Variants in PRKDC observed in about 807,000 individuals in gnomAD.
PRKDC encodes protein kinase, DNA-activated, catalytic subunit, also known as DNA-dependent protein kinase catalytic subunit.
In PRKDC, 82 loss-of-function variants were observed where a neutral mutation model predicts 486.9. The observed-to-expected ratio is 0.17, with a 90% CI of 0.14 to 0.20. The LOEUF is 0.20. Ranked by LOEUF, PRKDC falls within the 10% of genes least tolerant of loss-of-function variation. The probability of loss-of-function intolerance (pLI) is 1.00; values close to 1 mark genes in which losing one functional copy is unlikely to be tolerated. For missense variants in PRKDC, 4,504 were observed against 5,038.2 expected, an observed-to-expected ratio of 0.89 and a Z score of 3.21; for synonymous variants, 1,895 against 1,837.0, an observed-to-expected ratio of 1.03 and a Z score of -0.81.
At chr8:47,856,337 C>T (rs2088539628) in intron 49 of PRKDC, among the ~76,000 whole-genome samples, 2 of 152,078 alleles carry the variant, frequency 1.3e-5, no homozygotes, top group Admixed American at 6.5e-5. Context: ...AAGCAATTCT[C>T]CTGCCTCAGC....
At chr8:47,886,476 C>T (rs2089334854) in intron 35 of PRKDC, among the ~76,000 whole-genome samples, 1 of 150,112 alleles carries the variant, frequency 6.7e-6, no homozygotes, top group Non-Finnish European at 1.5e-5. Context: ...TGCAAACCTC[C>T]ACCTCCTAGG....
chr8:47,839,494 C>T (rs887905738), intron 55 of PRKDC, among the ~76,000 whole-genome samples: 1 of 152,272 alleles, frequency 6.6e-6, no homozygotes, highest in South Asian at 2.1e-4. Context: ...TCCTGTGACG[C>T]TCAGCTGTGG....
At chr8:47,856,992 A>C (rs2088556021) in intron 49 of PRKDC, among the ~76,000 whole-genome samples, 164 bp downstream of exon 49, 1 of 152,250 alleles carries the variant, frequency 6.6e-6, no homozygotes, top group African/African-American at 2.4e-5. Flanking sequence ...AAACAAAACC[A>C]AAGCAGGCTG....
rs186888725 is a variant in PRKDC at position 47,954,640 on chromosome 8, C to T, written c.400-194G>A. ...TCTCACAGGATTCACATCCACCCAG[C>T]TTATCTGGGAATTAGAGGTTGAGAT... On this transcript the variant is annotated intron_variant, in intron 4 of 85. Transcript: ENST00000314191. Among the ~76,000 whole-genome samples, 10 of 152,248 alleles carry T rather than the reference C, an allele frequency of 6.6e-5. No individual in the cohort carries two copies. In the East Asian group the frequency reaches 1.7e-3, roughly 26 times the overall value.
intron 72 of PRKDC, 63 bp downstream of exon 72, chr8:47,799,147 T>C: frequency 1.3e-6 from 2 of 1,585,172 alleles, no homozygotes; most frequent in Non-Finnish European, 1.7e-6. Context: ...CAAAGGTATG[T>C]ACAAAATTCA....
At chr8:47,792,771 A>G (rs2086903837) in intron 74 of PRKDC, among the ~76,000 whole-genome samples, 1 of 152,178 alleles carries the variant, frequency 6.6e-6, no homozygotes, top group South Asian at 2.1e-4. Context: ...AAATTAAAAT[A>G]AAAAAAGAGC....
intron 73 of PRKDC, among the ~76,000 whole-genome samples, chr8:47,796,661 G>T (rs753380804): frequency 6.6e-6 from 1 of 151,358 alleles, no homozygotes; most frequent in Admixed American, 6.6e-5. Flanking sequence ...GTGCAGTGGC[G>T]CCACCTCGGC....
intron 40 of PRKDC, among the ~76,000 whole-genome samples, chr8:47,867,187 T>C (rs866977546): frequency 6.6e-6 from 1 of 152,106 alleles, no homozygotes; most frequent in Non-Finnish European, 1.5e-5. Flanking sequence ...TATATGCTGA[T>C]AGGGCGAGAT....
intron 64 of PRKDC, among the ~76,000 whole-genome samples, chr8:47,822,010 C>T (rs1042761073): frequency 2.6e-5 from 4 of 152,316 alleles, no homozygotes; most frequent in African/African-American, 7.2e-5. Context: ...CAGCTGGGCA[C>T]GCTGGCTCAC....
At chr8:47,822,609 T>C (rs2154499063) in intron 64 of PRKDC, among the ~76,000 whole-genome samples, 1 of 151,812 alleles carries the variant, frequency 6.6e-6, no homozygotes, top group East Asian at 2.0e-4. Context: ...GCTAACACGG[T>C]GAAACCCCAT....
rs2090663410 is a variant in PRKDC at position 47,953,874 on chromosome 8, T to A, written c.554A>T (p.His185Leu). The change falls in exon 6 of 86, where the codon CAT becomes CTT. Residue 185 changes from histidine to leucine, a missense_variant. Physicochemically the swap from His to Leu is moderately conservative, Grantham distance 99. Coordinates refer to ENST00000314191, the MANE Select transcript of PRKDC (RefSeq NM_006904.7). Reference protein sequence around the residue: ...YELLGLLGEVHPSEMINNAEN... With the variant: ...YELLGLLGEVLPSEMINNAEN... The stretch of plus-strand genomic sequence containing the variant: ...TGCATTATTTATCATCTCACTAGGA[T>A]GAACTTCACCCAATAATCCTAGGAG... 2 of 1,565,304 alleles carry A rather than the reference T, an allele frequency of 1.3e-6. No homozygotes were observed. The highest frequency in any genetic ancestry group is 2.7e-5 in the African/African-American group (2 of 74,088).
At chr8:47,929,243 A>G (rs1426717297) in intron 18 of PRKDC, 65 bp from the exon 19 acceptor site, 1 of 1,129,802 alleles carries the variant, frequency 8.9e-7, no homozygotes, top group Non-Finnish European at 1.3e-6. Context: ...CCAATCCAGT[A>G]GTTCCTAGCC....
intron 54 of PRKDC, among the ~76,000 whole-genome samples, chr8:47,840,844 C>T (rs1484305555): frequency 6.6e-6 from 1 of 152,146 alleles, no homozygotes; most frequent in African/African-American, 2.4e-5. Context: ...ATGTTTATTG[C>T]TGTGTAAAAA....
At chr8:47,790,101 A>G (rs1247509238) in intron 74 of PRKDC, among the ~76,000 whole-genome samples, 1 of 152,224 alleles carries the variant, frequency 6.6e-6, no homozygotes, top group Non-Finnish European at 1.5e-5. Flanking sequence ...TATCTATATT[A>G]GAAAGGAAGA....
rs2088763391 is a variant in PRKDC at position 47,864,645 on chromosome 8, G to C, written c.5482C>G (p.Leu1828Val). Residue 1828 changes from leucine to valine, a missense_variant, in exon 41 of 86, where the codon CTG (leucine) becomes GTG (valine). Leu to Val is a conservative substitution (Grantham distance 32, BLOSUM62 1). Coordinates refer to ENST00000314191, the MANE Select transcript of PRKDC (RefSeq NM_006904.7). ...SFVDRSLLTLLWHCSLDALRE... is the reference protein window; with the variant it reads ...SFVDRSLLTLVWHCSLDALRE... The stretch of plus-strand genomic sequence containing the variant: ...AAAGCATCCAGGCTACAGTGCCACA[G>C]CAGAGTGAGGAGGGAGCGGTCCACA... 6.2e-7 allele frequency: 1 copy of C among 1,609,128 alleles called. No individual in the cohort carries two copies. Among genetic ancestry groups the C allele is most frequent in the African/African-American group, 1.3e-5 (1 of 74,852 alleles).
chr8:47,884,316 C>T (rs2089283251), intron 36 of PRKDC, among the ~76,000 whole-genome samples: 1 of 152,194 alleles, frequency 6.6e-6, no homozygotes, highest in South Asian at 2.1e-4. Flanking sequence ...CACCCCTGCT[C>T]GCATGTCTGC....
intron 73 of PRKDC, 111 bp from the exon 74 acceptor site, chr8:47,794,612 C>T (rs1563737741): frequency 1.3e-5 from 12 of 956,182 alleles, no homozygotes; most frequent in South Asian, 1.8e-5. Context: ...AACGCAAGTA[C>T]AAAACAAGTC....
rs1326311574 is a variant in PRKDC at position 47,849,516 on chromosome 8, G to A, written c.7006-13C>T. The A allele has an allele frequency of 1.2e-6, 2 of 1,609,126 alleles. No individual in the cohort carries two copies. Among genetic ancestry groups the A allele is most frequent in the South Asian group, 1.1e-5 (1 of 90,290 alleles). On this transcript the variant is annotated splice_polypyrimidine_tract_variant and intron_variant, in intron 52 of 85. Coordinates refer to ENST00000314191, the MANE Select transcript of PRKDC (RefSeq NM_006904.7). Reference sequence around the variant, plus strand: ...ACTCCTCCAGTATCTGAAAAATTAAGTTTATTTTCAAATACACAAAAGTGG... The same window carrying A: ...ACTCCTCCAGTATCTGAAAAATTAAATTTATTTTCAAATACACAAAAGTGG...
At chr8:47,834,480 G>A (rs768473371) in intron 58 of PRKDC, 84 bp from the exon 59 acceptor site, 28 of 1,434,134 alleles carry the variant, frequency 2.0e-5, no homozygotes, top group Non-Finnish European at 2.7e-5. Flanking sequence ...GGACACACCT[G>A]GTGGCACCCT....
Sources: gnomAD v4.1 joint callset for allele counts (sites outside exome capture counted in the v4.1 genomes callset) on GRCh38, gnomAD v4.1.1 for gene constraint, MANE v1.5 for transcripts, NCBI Gene and HGNC (gene_info 2026-07-23, HGNC 2026-07-21) for gene names.